Variants in ZNF385B observed in about 807,000 individuals in gnomAD.
ZNF385B encodes the protein zinc finger protein 533.
A neutral mutation model predicts 39.2 loss-of-function variants in ZNF385B; 23 were observed. That is an observed-to-expected ratio of 0.59 (90% CI 0.42 to 0.83). The LOEUF (loss-of-function observed/expected upper bound fraction) is 0.83, where lower values mean the gene tolerates loss of function less well. Ranked by LOEUF, ZNF385B falls within the 40% of genes least tolerant of loss-of-function variation. ZNF385B has a pLI of 0.00. For synonymous variants in ZNF385B, 205 were observed against 222.6 expected, an observed-to-expected ratio of 0.92 and a Z score of 0.70; for missense variants, 552 against 598.9, an observed-to-expected ratio of 0.92 and a Z score of 0.82.
intron 6 of ZNF385B, among the ~76,000 whole-genome samples, chr2:179,459,604 T>G (rs1045446721): frequency 4.0e-5 from 6 of 150,698 alleles, no homozygotes; most frequent in Non-Finnish European, 7.4e-5. Flanking sequence ...TGTGTGTGTG[T>G]GTGTGTGTGT....
intron 3 of ZNF385B, among the ~76,000 whole-genome samples, chr2:179,564,261 T>C (rs936977041): frequency 2.0e-5 from 3 of 152,022 alleles, no homozygotes; most frequent in African/African-American, 7.3e-5. Context: ...CCAAGACCAG[T>C]GGGAGAATGG....
At chr2:179,660,069 C>G (rs1004805022) in intron 3 of ZNF385B, 3 of 152,508 alleles carry the variant, frequency 2.0e-5, no homozygotes, top group Non-Finnish European at 4.4e-5. Context: ...GTAAATTATG[C>G]TACTTACCAA....
intron 3 of ZNF385B, among the ~76,000 whole-genome samples, chr2:179,733,168 GC>G (rs1198336102): frequency 6.6e-6 from 1 of 152,170 alleles, no homozygotes; most frequent in African/African-American, 2.4e-5. Context: ...TAGAGGGTCA[GC>G]GCAACTCCTG....
intron 3 of ZNF385B, among the ~76,000 whole-genome samples, chr2:179,707,237 A>G (rs922229475): frequency 7.2e-5 from 11 of 152,184 alleles, no homozygotes; most frequent in African/African-American, 2.7e-4. Flanking sequence ...AAGGGAAGAG[A>G]GTCTATTGTG....
Position 179,681,097 on chromosome 2 carries a change from A to G in ZNF385B, c.298+88406T>C, listed in dbSNP as rs1697472780. Among the ~76,000 whole-genome samples, 3 of 125,364 alleles carry G rather than the reference A, an allele frequency of 2.4e-5. No individual in the cohort carries two copies. The South Asian group carries it at 8.1e-4, about 34-fold the overall frequency. The allele number at this position is 125,364 out of a possible 152,430, so 82.2% of individuals were successfully genotyped here. A position where few individuals can be genotyped will look rare whatever the true frequency, so the allele number is the denominator to read the frequency against. On this transcript the variant is annotated intron_variant, in intron 3 of 9. Coordinates refer to ENST00000410066, the MANE Select transcript of ZNF385B (RefSeq NM_152520.6). ...AAACAACTGTTTTTTTTTTTTTTTG[A>G]AACTTTTGATTCTAACTAGACTCAT... is the stretch of plus-strand genomic sequence containing the variant.
chr2:179,697,191 C>G (rs1347302324), intron 3 of ZNF385B, among the ~76,000 whole-genome samples: 2 of 152,144 alleles, frequency 1.3e-5, no homozygotes, highest in African/African-American at 4.8e-5. Flanking sequence ...AAAATTCATA[C>G]TCGGTCCACT....
intron 3 of ZNF385B, among the ~76,000 whole-genome samples, chr2:179,593,260 TATTA>T (rs1475763983): frequency 1.3e-5 from 2 of 152,150 alleles, no homozygotes; most frequent in Non-Finnish European, 2.9e-5. Flanking sequence ...AAAAAGACAT[TATTA>T]ATTGTTATTC....
chr2:179,740,313 A>T (rs1175365890), intron 3 of ZNF385B, among the ~76,000 whole-genome samples: 2 of 152,178 alleles, frequency 1.3e-5, no homozygotes, highest in Non-Finnish European at 2.9e-5. Flanking sequence ...ATGTGAGCAA[A>T]AAGATGATTT....
chr2:179,577,802 T>TAAA (rs5836686), intron 3 of ZNF385B, among the ~76,000 whole-genome samples: 1 of 149,942 alleles, frequency 6.7e-6, no homozygotes, highest in Non-Finnish European at 1.5e-5. Flanking sequence ...CTGTCTTTAC[T>TAAA]AAAAAAAAAT....
Position 179,861,291 on chromosome 2 carries a change from G to T in ZNF385B, c.-345C>A. On this transcript the variant is annotated 5_prime_UTR_variant, in exon 1 of 10. Coordinates refer to ENST00000410066, the MANE Select transcript of ZNF385B (RefSeq NM_152520.6). ...CGGCGGCGGTGGAGGTGGCGCGGGC[G>T]ACAGCTCGGCCCGGCGCGGCCCCTG... 1.9e-5 allele frequency: 3 copies of T among 157,130 alleles called. No individual in the cohort carries two copies. The South Asian group carries it at 5.4e-4, about 28-fold the overall frequency. 9.7% of individuals were successfully genotyped at this position (157,130 alleles called of 1,614,324 possible).
intron 4 of ZNF385B, among the ~76,000 whole-genome samples, chr2:179,538,301 T>C (rs201475374): frequency 2.0e-5 from 3 of 152,110 alleles, no homozygotes; most frequent in East Asian, 3.8e-4. Flanking sequence ...GAAAAATACA[T>C]ATTCATATGT....
At chr2:179,727,140 T>G (rs1701074145) in intron 3 of ZNF385B, among the ~76,000 whole-genome samples, 2 of 152,094 alleles carry the variant, frequency 1.3e-5, no homozygotes, top group African/African-American at 4.8e-5. Flanking sequence ...AGATCTCAGC[T>G]GCCTTTAAAG....
At chr2:179,573,243 A>G (rs1416683778) in intron 3 of ZNF385B, among the ~76,000 whole-genome samples, 1 of 152,200 alleles carries the variant, frequency 6.6e-6, no homozygotes, top group Non-Finnish European at 1.5e-5. Flanking sequence ...ATTAATCTTT[A>G]TTAATAGATC....
intron 6 of ZNF385B, among the ~76,000 whole-genome samples, chr2:179,465,334 C>T (rs16866740): frequency 0.13 from 20,283 of 152,056 alleles, 1,864 homozygotes; most frequent in East Asian, 0.34. Flanking sequence ...CTTCCTCTAC[C>T]ACACTGACAT....
chr2:179,749,602 T>A lies in ZNF385B; in HGVS notation c.298+19901A>T, dbSNP rs1324995360. 2.0e-5 allele frequency among the ~76,000 whole-genome samples: 3 copies of A among 152,092 alleles called. No homozygotes were observed. In the South Asian group the frequency reaches 6.2e-4, roughly 32 times the overall value. On this transcript the variant is annotated intron_variant, in intron 3 of 9. Coordinates refer to ENST00000410066, the MANE Select transcript of ZNF385B (RefSeq NM_152520.6). Reference sequence around the variant, plus strand: ...TGTGAAGAAAGCTGGTCAGTCCAAGTGAAAATACATTCATCCCCCCAGTGG... The same window carrying A: ...TGTGAAGAAAGCTGGTCAGTCCAAGAGAAAATACATTCATCCCCCCAGTGG...
chr2:179,586,760 T>A (rs1319893694), intron 3 of ZNF385B, among the ~76,000 whole-genome samples: 2 of 152,202 alleles, frequency 1.3e-5, no homozygotes, highest in Admixed American at 6.5e-5. Context: ...TATTATTGGC[T>A]GGGCATGGTG....
intron 6 of ZNF385B, among the ~76,000 whole-genome samples, chr2:179,477,385 G>T (rs2053543551): frequency 6.6e-6 from 1 of 152,146 alleles, no homozygotes. Flanking sequence ...CTGCCACCAT[G>T]CAAAAGCACA....
In ZNF385B at chr2:179,699,729, TTA is replaced by T. The variant is rs1575271985; in HGVS notation, c.298+69772_298+69773del. On this transcript the variant is annotated intron_variant, in intron 3 of 9. Transcript: ENST00000410066. ...AATTTCCCTAAAGGTGGCTATATAT[TTA>T]TATGAGTTCATCTATACTTCCATAT... Among the ~76,000 whole-genome samples the T allele has an allele frequency of 2.0e-5, 3 of 152,304 alleles. No homozygotes were observed. The East Asian group carries it at 5.8e-4, about 29-fold the overall frequency.
intron 4 of ZNF385B, among the ~76,000 whole-genome samples, chr2:179,524,444 C>G (rs1298186759): frequency 6.7e-6 from 1 of 149,694 alleles, no homozygotes; most frequent in African/African-American, 2.5e-5. Context: ...CCCAGCTACT[C>G]GGGAGGCTGA....
Sources: gnomAD v4.1 joint callset for allele counts (sites outside exome capture counted in the v4.1 genomes callset) on GRCh38, gnomAD v4.1.1 for gene constraint, MANE v1.5 for transcripts, NCBI Gene and HGNC (gene_info 2026-07-23, HGNC 2026-07-21) for gene names.